LRRN3: variants seen among roughly 807,000 people sequenced by gnomAD.
LRRN3 encodes the protein leucine rich repeat neuronal 3, also known as leucine-rich repeat neuronal protein 3.
A neutral mutation model predicts 40.1 loss-of-function variants in LRRN3; 15 were observed. That is an observed-to-expected ratio of 0.37 (90% CI 0.25 to 0.58). LRRN3 has a LOEUF of 0.58. Among genes scored for constraint, LRRN3 ranks in the 20% least tolerant of loss-of-function variants. LRRN3 has a pLI of 0.72. For missense variants in LRRN3, 746 were observed against 837.7 expected (o/e 0.89, Z 1.35); for synonymous variants, 308 against 297.2 (o/e 1.04, Z -0.37).
intron 1 of LRRN3, among the ~76,000 whole-genome samples, chr7:111,094,697 C>A (rs959488775): frequency 2.0e-5 from 3 of 152,104 alleles, no homozygotes; most frequent in Non-Finnish European, 4.4e-5. Context: ...TCAGGGAATT[C>A]CTCTCCTCTC....
chr7:111,108,161 T>C (rs1798762533), intron 2 of LRRN3, among the ~76,000 whole-genome samples: 1 of 152,198 alleles, frequency 6.6e-6, no homozygotes, highest in South Asian at 2.1e-4. Flanking sequence ...TCACAGATTG[T>C]TGATGTATTC....
chr7:111,119,297 A>G lies in LRRN3; in HGVS notation c.-358-3118A>G, dbSNP rs540845738. On this transcript the variant is annotated intron_variant, in intron 2 of 2. Transcript: ENST00000308478. ...ATTTTCATTTTATTCGGAGGGGTATATGCTCCCAAATGAGCATGCATACGG... is the reference window on the plus strand; with the variant it reads ...ATTTTCATTTTATTCGGAGGGGTATGTGCTCCCAAATGAGCATGCATACGG... Among the ~76,000 whole-genome samples, 165 of 152,314 alleles carry G rather than the reference A, an allele frequency of 1.1e-3. 1 individual carries two copies. The highest frequency in any genetic ancestry group is 1.4e-3 in the Admixed American group (21 of 15,294).
chr7:111,095,769 T>G (rs1263916440), intron 1 of LRRN3, among the ~76,000 whole-genome samples: 1 of 152,022 alleles, frequency 6.6e-6, no homozygotes, highest in Non-Finnish European at 1.5e-5. Flanking sequence ...CTGTAAATAA[T>G]TTAAGGCACT....
At chr7:111,104,184 T>C (rs1331587545) in intron 2 of LRRN3, among the ~76,000 whole-genome samples, 1 of 151,670 alleles carries the variant, frequency 6.6e-6, no homozygotes, top group African/African-American at 2.4e-5. Flanking sequence ...CATACCTGCC[T>C]TTACTATTCG....
rs1434022518 is a variant in LRRN3, at chr7:111,123,059, G to A, written c.287G>A (p.Gly96Asp). 6.2e-7 allele frequency: 1 copy of A among 1,613,616 alleles called. No homozygotes were observed. The highest frequency in any genetic ancestry group is 1.7e-5 in the Admixed American group (1 of 59,894). Reference protein sequence around the residue: ...YSTDFPVNLTGLDLSQNNLSS... With the variant: ...YSTDFPVNLTDLDLSQNNLSS... ...ACAGACTTTCCAGTAAACCTTACTGGCCTGGATTTATCTCAAAACAATTTA... is the reference window on the plus strand; with the variant it reads ...ACAGACTTTCCAGTAAACCTTACTGACCTGGATTTATCTCAAAACAATTTA... The change falls in exon 3 of 3, where the codon GGC becomes GAC. Residue 96 changes from glycine (G) to aspartate (D), a missense_variant. Physicochemically the swap from Gly to Asp is moderately conservative, Grantham distance 94. Transcript: ENST00000308478. The surrounding 1 kb of genome is among the most constrained non-coding windows in gnomAD (Gnocchi z 6.4).
chr7:111,114,133 TACACACACACAC>T (rs71151831), intron 2 of LRRN3, among the ~76,000 whole-genome samples: 6 of 146,666 alleles, frequency 4.1e-5, no homozygotes, highest in East Asian at 2.0e-4. Context: ...CACATAAATC[TACACACACACAC>T]ACACACACAC....
chr7:111,095,377 G>A (rs577049243), intron 1 of LRRN3, among the ~76,000 whole-genome samples: 1 of 151,548 alleles, frequency 6.6e-6, no homozygotes, highest in East Asian at 1.9e-4. Context: ...TGCCTCCTTG[G>A]TCTTTCAAAA....
intron 2 of LRRN3, among the ~76,000 whole-genome samples, chr7:111,114,455 T>C (rs2129584854): frequency 6.6e-6 from 1 of 152,208 alleles, no homozygotes; most frequent in East Asian, 1.9e-4. Context: ...AGAAATATAT[T>C]GGCTGGGCAC....
intron 1 of LRRN3, among the ~76,000 whole-genome samples, chr7:111,092,336 T>G (rs1796958932): frequency 6.6e-6 from 1 of 152,190 alleles, no homozygotes; most frequent in African/African-American, 2.4e-5. Flanking sequence ...TTAAGAAAAT[T>G]GTTTGTTCTA....
At chr7:111,116,930 A>C (rs1799947239) in intron 2 of LRRN3, among the ~76,000 whole-genome samples, 1 of 152,170 alleles carries the variant, frequency 6.6e-6, no homozygotes, top group South Asian at 2.1e-4. Context: ...AAAATGAAGG[A>C]ATTTGAATTC....
chr7:111,105,098 G>C (rs1410835090), intron 2 of LRRN3, among the ~76,000 whole-genome samples: 4 of 151,808 alleles, frequency 2.6e-5, no homozygotes, highest in Non-Finnish European at 5.9e-5. Context: ...AGGTCTCATT[G>C]AGACAAAAAT....
At chr7:111,112,462 T>C (rs1419103526) in intron 2 of LRRN3, among the ~76,000 whole-genome samples, 1 of 151,914 alleles carries the variant, frequency 6.6e-6, no homozygotes, top group Non-Finnish European at 1.5e-5. Flanking sequence ...TGTACAGTAA[T>C]GAATTTCCAC....
intron 2 of LRRN3, among the ~76,000 whole-genome samples, chr7:111,120,340 T>G (rs1800439501): frequency 6.6e-6 from 1 of 152,098 alleles, no homozygotes; most frequent in Non-Finnish European, 1.5e-5. Flanking sequence ...AAAAGGCACA[T>G]CTTACATTTA....
intron 2 of LRRN3, among the ~76,000 whole-genome samples, chr7:111,121,654 T>C (rs1271527301): frequency 5.9e-5 from 9 of 152,158 alleles, no homozygotes; most frequent in Admixed American, 1.3e-4. Flanking sequence ...AGTTCAACCA[T>C]TGTAGAAGAC....
intron 2 of LRRN3, among the ~76,000 whole-genome samples, chr7:111,108,520 A>G (rs1798807333): frequency 6.6e-6 from 1 of 152,180 alleles, no homozygotes; most frequent in Non-Finnish European, 1.5e-5. Context: ...TAAAAAAGAT[A>G]TACGAACAAA....
intron 2 of LRRN3, among the ~76,000 whole-genome samples, chr7:111,104,708 G>A (rs1226730779): frequency 1.3e-5 from 2 of 151,712 alleles, no homozygotes; most frequent in African/African-American, 2.4e-5. Flanking sequence ...AAAGTGTGAA[G>A]GACTTGTCAC....
chr7:111,117,795 G>A (rs904646019), intron 2 of LRRN3, among the ~76,000 whole-genome samples: 12 of 151,944 alleles, frequency 7.9e-5, no homozygotes, highest in African/African-American at 2.9e-4. Context: ...AGGAAAAACT[G>A]GGTTTTAATG....
chr7:111,121,782 T>A (rs1800656802), intron 2 of LRRN3, among the ~76,000 whole-genome samples: 2 of 152,158 alleles, frequency 1.3e-5, no homozygotes, highest in Admixed American at 1.3e-4. Context: ...TGCACACGTA[T>A]GTTTATTGCA....
chr7:111,093,019 G>T (rs1586210724), intron 1 of LRRN3, among the ~76,000 whole-genome samples: 3 of 152,252 alleles, frequency 2.0e-5, no homozygotes, highest in Admixed American at 2.0e-4. Context: ...CAGCCACTTA[G>T]ATCCTGCCAC....
Sources: allele counts gnomAD v4.1 joint callset (sites outside exome capture counted in the v4.1 genomes callset), GRCh38; gene constraint gnomAD v4.1.1; non-coding constraint Gnocchi (gnomAD v3.1); transcripts MANE v1.5; gene names NCBI Gene and HGNC (gene_info 2026-07-23, HGNC 2026-07-21).